Variants in STAC2 observed in about 807,000 individuals in gnomAD.
STAC2 encodes the protein SH3 and cysteine rich domain 2, also known as SH3 and cysteine-rich domain-containing protein 2.
A neutral mutation model predicts 49.0 loss-of-function variants in STAC2; 36 were observed. The ratio of observed to expected loss-of-function variants is 0.74; its 90% confidence interval spans 0.56 to 0.97. STAC2 has a LOEUF of 0.97. STAC2 is among the 50% of genes least tolerant of loss of function. STAC2 has a pLI of 0.00. For missense variants in STAC2, 527 were observed against 543.8 expected (o/e 0.97, Z 0.31); for synonymous variants, 239 against 214.7 (o/e 1.11, Z -0.99).
intron 7 of STAC2, 71 bp downstream of exon 7, chr17:39,214,720 A>T: frequency 1.3e-6 from 2 of 1,550,148 alleles, no homozygotes; most frequent in South Asian, 2.4e-5. Context: ...CCCCCCTATG[A>T]ATCAATGGCA....
chr17:39,220,159 G>A (rs761226446), intron 1 of STAC2, among the ~76,000 whole-genome samples: 1 of 152,208 alleles, frequency 6.6e-6, no homozygotes, highest in Non-Finnish European at 1.5e-5. Context: ...TCTATGAGAA[G>A]CAAGGCCCCA....
chr17:39,217,653 G>A (rs958037909), intron 2 of STAC2, among the ~76,000 whole-genome samples: 8 of 152,090 alleles, frequency 5.3e-5, no homozygotes, highest in South Asian at 2.1e-4. Context: ...AGCCAGGGAA[G>A]TGGAGGTTGC....
chr17:39,217,214 G>A (rs907326386), intron 2 of STAC2, 41 bp from the exon 3 acceptor site: 1 of 1,593,656 alleles, frequency 6.3e-7, no homozygotes, highest in African/African-American at 1.3e-5. Context: ...ACACCCCCGT[G>A]GGCAACAGGC....
At chr17:39,214,641 C>T in intron 7 of STAC2, 150 bp downstream of exon 7, 1 of 1,143,028 alleles carries the variant, frequency 8.7e-7, no homozygotes. Flanking sequence ...CCCATGCCCT[C>T]TCATCCTGGC....
intron 4 of STAC2, 132 bp downstream of exon 4, chr17:39,216,678 C>G: frequency 1.2e-6 from 1 of 813,816 alleles, no homozygotes; most frequent in Non-Finnish European, 1.9e-6. Context: ...TCTTGGCTCA[C>G]TGCAACCTCC....
chr17:39,213,235 C>A lies in STAC2; in HGVS notation c.994-103G>T. ...TCCCACTCAGCACCAATGCCATCAT[C>A]CTCCAGATCTAGGGCTCTCCGGATT... On this transcript the variant is annotated intron_variant, in intron 9 of 10. Transcript: ENST00000333461. 50 of 1,544,714 alleles carry A rather than the reference C, an allele frequency of 3.2e-5. 1 individual carries two copies. In the South Asian group the frequency reaches 5.8e-4, roughly 18 times the overall value.
intron 1 of STAC2, among the ~76,000 whole-genome samples, 182 bp from the exon 2 acceptor site, chr17:39,218,355 G>A (rs553968301): frequency 2.0e-5 from 3 of 152,236 alleles, no homozygotes; most frequent in Admixed American, 6.5e-5. Flanking sequence ...ACGACACTTC[G>A]CAATCTCAGG....
At position 39,212,255 on chromosome 17, in the gene STAC2, A is replaced by C. The variant is rs1386300492; in HGVS notation, c.*37T>G. 3 of 1,515,006 alleles carry C rather than the reference A, an allele frequency of 2.0e-6. No individual in the cohort carries two copies. The highest frequency in any genetic ancestry group is 4.6e-5 in the East Asian group (2 of 43,122). The allele number at this position is 1,515,006 out of a possible 1,614,324, so 93.8% of individuals were successfully genotyped here. A position where few individuals can be genotyped will look rare whatever the true frequency, so the allele number is the denominator to read the frequency against. ...CCCTGGCCAGAAGCAAGGTCCAGGCATGGGCAAGGGTGTCATCTGGGTTCC... is the reference window on the plus strand; with the variant it reads ...CCCTGGCCAGAAGCAAGGTCCAGGCCTGGGCAAGGGTGTCATCTGGGTTCC... On this transcript the variant is annotated 3_prime_UTR_variant, in exon 11 of 11. Transcript: ENST00000333461.
At chr17:39,223,932 G>C (rs560403706) in intron 1 of STAC2, among the ~76,000 whole-genome samples, 54 of 152,282 alleles carry the variant, frequency 3.5e-4, no homozygotes, top group Admixed American at 5.2e-4. Context: ...CTGAGACTTG[G>C]CTCTCTAAAG....
intron 1 of STAC2, among the ~76,000 whole-genome samples, chr17:39,220,424 C>T (rs1449281851): frequency 6.6e-6 from 1 of 152,126 alleles, no homozygotes; most frequent in Admixed American, 6.6e-5. Flanking sequence ...GGCAAATCAC[C>T]CCACTTCTTC....
At position 39,212,878 on chromosome 17, in the gene STAC2, C is replaced by T. The variant is rs1244908340; in HGVS notation, c.1131+117G>A. On this transcript the variant is annotated intron_variant, in intron 10 of 10. Transcript: ENST00000333461. The stretch of plus-strand genomic sequence containing the variant: ...ACCCTTTCTTTCTAACCCGCTTTCC[C>T]CTCAACTGCCAAGATCAGCCTCCTC... The T allele has an allele frequency of 4.7e-6, 7 of 1,490,316 alleles. No individual in the cohort carries two copies. In the East Asian group the frequency reaches 1.1e-4, roughly 24 times the overall value. 92.3% of individuals were successfully genotyped at this position (1,490,316 alleles called of 1,614,324 possible).
At chr17:39,217,450 G>A (rs1474140253) in intron 2 of STAC2, among the ~76,000 whole-genome samples, 2 of 152,166 alleles carry the variant, frequency 1.3e-5, no homozygotes, top group Non-Finnish European at 2.9e-5. Flanking sequence ...GGGGGTGGGT[G>A]CAATGGCTCA....
Position 39,225,285 on chromosome 17 carries a change from G to T in STAC2, c.90+128C>A. The T allele has an allele frequency of 1.4e-6, 1 of 716,562 alleles. No homozygotes were observed. The highest frequency in any genetic ancestry group is 1.9e-5 in the African/African-American group (1 of 52,106). The allele number at this position is 716,562 out of a possible 1,614,324, so 44.4% of individuals were successfully genotyped here. On this transcript the variant is annotated intron_variant, in intron 1 of 10. Transcript: ENST00000333461. The surrounding 1 kb of genome is among the most constrained non-coding windows in gnomAD (Gnocchi z 8.2). ...ACCCACTCCTACCCCCGGGAGCGGC[G>T]CGGAGCCTCAGTGGTCACGCGGGCC...
Position 39,217,155 on chromosome 17 carries a change from A to C in STAC2, c.416T>G (p.Leu139Trp), listed in dbSNP as rs747814681. The change falls in exon 3 of 11, where the codon TTG (leucine) becomes TGG (tryptophan). Residue 139 changes from leucine (L) to tryptophan (W), a missense_variant. Leu to Trp is a moderately conservative substitution (Grantham distance 61). Coordinates refer to ENST00000333461, the MANE Select transcript of STAC2 (RefSeq NM_198993.5). ...GCTGACTTTGCACATCTTACATCGC[A>C]AGCCCTGTTTGGAGTTTCCTAGGAA... The part of the protein sequence containing the change: ...QLIVGNSKQG[L>W]RCKMCKVSVH... The C allele has an allele frequency of 5.0e-6, 8 of 1,613,708 alleles. No individual in the cohort carries two copies. The highest frequency in any genetic ancestry group is 5.9e-6 in the Non-Finnish European group (7 of 1,179,910).
chr17:39,216,980 C>T, intron 3 of STAC2, 80 bp from the exon 4 acceptor site: 1 of 1,585,696 alleles, frequency 6.3e-7, no homozygotes, highest in Non-Finnish European at 8.6e-7. Flanking sequence ...CCAGGGCCCA[C>T]CCCACAGGAA....
chr17:39,219,399 ACT>A (rs1180656187), intron 1 of STAC2, among the ~76,000 whole-genome samples: 3 of 151,444 alleles, frequency 2.0e-5, no homozygotes, highest in Non-Finnish European at 4.4e-5. Flanking sequence ...TCCTCCAGGA[ACT>A]CTCTTCTGCA....
At position 39,215,210 on chromosome 17, in the gene STAC2, G is replaced by A. The variant is rs772019477; in HGVS notation, c.607C>T (p.Pro203Ser). 5 of 1,613,874 alleles carry A rather than the reference G, an allele frequency of 3.1e-6. No individual in the cohort carries two copies. The highest frequency in any genetic ancestry group is 1.7e-5 in the Admixed American group (1 of 59,998). Residue 203 changes from proline to serine, a missense_variant, in exon 5 of 11, where the codon CCT (proline) becomes TCT (serine). Transcript: ENST00000333461. ...CCATAGCGCAGGGTCTCGTAGACAG[G>A]GTCCACCTTCCCACTGTCCCCTGCA... is the stretch of plus-strand genomic sequence containing the variant. The part of the protein sequence containing the change: ...PPTGDSGKVD[P>S]VYETLRYGTS...
Position 39,212,142 on chromosome 17 carries a change from C to T in STAC2, c.*150G>A. 1 of 401,520 alleles carries T rather than the reference C, an allele frequency of 2.5e-6. No individual in the cohort carries two copies. The highest frequency in any genetic ancestry group is 2.6e-5 in the South Asian group (1 of 37,882). 24.9% of individuals were successfully genotyped at this position (401,520 alleles called of 1,614,324 possible). A position where few individuals can be genotyped will look rare whatever the true frequency, so the allele number is the denominator to read the frequency against. On this transcript the variant is annotated 3_prime_UTR_variant, in exon 11 of 11. Coordinates refer to ENST00000333461, the MANE Select transcript of STAC2 (RefSeq NM_198993.5). ...CCAAGAAATAAAATCTTCCCCAGTA[C>T]AAAAGGCTCCTAAGCCACGGTAAGT...
intron 4 of STAC2, among the ~76,000 whole-genome samples, chr17:39,215,514 A>C (rs2046394440): frequency 6.6e-6 from 1 of 152,202 alleles, no homozygotes. Context: ...CACTGCTAGC[A>C]GTCTAATTCA....
Sources: allele counts gnomAD v4.1 joint callset (sites outside exome capture counted in the v4.1 genomes callset), GRCh38; gene constraint gnomAD v4.1.1; non-coding constraint Gnocchi (gnomAD v3.1); transcripts MANE v1.5; gene names NCBI Gene and HGNC (gene_info 2026-07-23, HGNC 2026-07-21).